The following SNX7 variants were observed in gnomAD, a reference collection of about 807,000 sequenced individuals.
SNX7 encodes the protein sorting nexin-7.
Under a neutral mutation model 48.4 loss-of-function variants are expected in SNX7, and 35 were observed. That is an observed-to-expected ratio of 0.72 (90% CI 0.55 to 0.96). The LOEUF (loss-of-function observed/expected upper bound fraction) is 0.96, where lower values mean the gene tolerates loss of function less well. SNX7 is among the 40% of genes least tolerant of loss of function. SNX7 has a pLI of 0.00. For missense variants in SNX7, 553 were observed against 548.9 expected (o/e 1.01, Z -0.07); for synonymous variants, 190 against 190.2 (o/e 1.00, Z 0.01).
intron 2 of SNX7, among the ~76,000 whole-genome samples, chr1:98,690,849 A>G (rs1422861113): frequency 2.0e-5 from 3 of 152,028 alleles, no homozygotes; most frequent in African/African-American, 7.2e-5. Context: ...AAATTTAAGT[A>G]TGATATTTGC....
chr1:98,741,381 T>G (rs1654060786), intron 8 of SNX7, among the ~76,000 whole-genome samples: 2 of 152,168 alleles, frequency 1.3e-5, no homozygotes, highest in African/African-American at 4.8e-5. Flanking sequence ...TTGTGTCATG[T>G]TATATTTAGA....
In SNX7 at chr1:98,700,169, G is replaced by T. The variant is rs201661990; in HGVS notation, c.1038+1264G>T. Among the ~76,000 whole-genome samples, 22 of 152,236 alleles carry T rather than the reference G, an allele frequency of 1.4e-4. No individual in the cohort carries two copies. The East Asian group carries it at 3.7e-3, about 25-fold the overall frequency. On this transcript the variant is annotated intron_variant, in intron 6 of 8. Transcript: ENST00000306121. ...TTGAATTAATTTTTAGATGCCTAGG[G>T]TATAATAAGTAGTACTTATATTGCA... is the stretch of plus-strand genomic sequence containing the variant.
intron 1 of SNX7, among the ~76,000 whole-genome samples, chr1:98,680,465 G>T (rs1457698455): frequency 6.6e-6 from 1 of 152,184 alleles, no homozygotes; most frequent in East Asian, 1.9e-4. Flanking sequence ...AATTTCTGCA[G>T]CTGGCTTGAA....
At position 98,672,871 on chromosome 1, in the gene SNX7, C is replaced by T. The variant is rs1029524114; in HGVS notation, c.180+10960C>T. ...CCCGGGAAGCGGAGCTTGCAGTGAG[C>T]CGAGATTGCGCCACTGCAGTCCGCA... is the stretch of plus-strand genomic sequence containing the variant. On this transcript the variant is annotated intron_variant, in intron 1 of 8. Coordinates refer to ENST00000306121, the MANE Select transcript of SNX7 (RefSeq NM_015976.5). Among the ~76,000 whole-genome samples the T allele has an allele frequency of 3.0e-5, 4 of 132,658 alleles. No homozygotes were observed. In the East Asian group the frequency reaches 7.3e-4, roughly 24 times the overall value. The allele number at this position is 132,658 out of a possible 152,430, so 87.0% of individuals were successfully genotyped here.
At chr1:98,737,656 T>C (rs1180968790) in intron 7 of SNX7, among the ~76,000 whole-genome samples, 1 of 152,180 alleles carries the variant, frequency 6.6e-6, no homozygotes, top group East Asian at 1.9e-4. Context: ...GTCCAGTGGC[T>C]CATGGTCTAG....
At chr1:98,707,851 T>A (rs1293896341) in intron 7 of SNX7, among the ~76,000 whole-genome samples, 1 of 152,206 alleles carries the variant, frequency 6.6e-6, no homozygotes, top group Non-Finnish European at 1.5e-5. Flanking sequence ...ACCAGATTAT[T>A]CAAGCTGGTC....
intron 8 of SNX7, among the ~76,000 whole-genome samples, chr1:98,744,601 G>C (rs1654229685): frequency 6.6e-6 from 1 of 151,880 alleles, no homozygotes; most frequent in African/African-American, 2.4e-5. Flanking sequence ...AGTGGAAACT[G>C]TGTAATGGAA....
At chr1:98,716,912 A>C (rs1652621101) in intron 7 of SNX7, among the ~76,000 whole-genome samples, 1 of 152,014 alleles carries the variant, frequency 6.6e-6, no homozygotes, top group Admixed American at 6.6e-5. Context: ...TGAAATACAT[A>C]GGGAGATGAG....
intron 1 of SNX7, among the ~76,000 whole-genome samples, chr1:98,664,650 C>T (rs890423564): frequency 6.6e-6 from 1 of 152,138 alleles, no homozygotes; most frequent in African/African-American, 2.4e-5. Flanking sequence ...TTAGTTCTTG[C>T]TATCACAATC....
At chr1:98,678,350 C>T (rs1170527883) in intron 1 of SNX7, among the ~76,000 whole-genome samples, 1 of 152,184 alleles carries the variant, frequency 6.6e-6, no homozygotes, top group Admixed American at 6.5e-5. Flanking sequence ...CCTAATGATC[C>T]AGACACCTCC....
intron 7 of SNX7, among the ~76,000 whole-genome samples, chr1:98,720,884 T>C (rs539601431): frequency 1.3e-5 from 2 of 152,198 alleles, no homozygotes; most frequent in African/African-American, 4.8e-5. Context: ...GTTTTAGCTT[T>C]GGTAGGGATT....
chr1:98,750,176 T>A (rs1430187330), intron 8 of SNX7, among the ~76,000 whole-genome samples: 2 of 151,926 alleles, frequency 1.3e-5, no homozygotes. Context: ...ACCACAGAAA[T>A]ATATAATTAT....
chr1:98,676,030 A>G (rs559278464), intron 1 of SNX7, among the ~76,000 whole-genome samples: 24 of 152,286 alleles, frequency 1.6e-4, no homozygotes, highest in African/African-American at 5.5e-4. Flanking sequence ...AGAAAATCAC[A>G]TAGAAAAATA....
At chr1:98,702,761 T>C (rs985539159) in intron 7 of SNX7, among the ~76,000 whole-genome samples, 1 of 152,140 alleles carries the variant, frequency 6.6e-6, no homozygotes, top group Non-Finnish European at 1.5e-5. Flanking sequence ...AAAGCAGGTA[T>C]AGAAGTGGGA....
intron 8 of SNX7, among the ~76,000 whole-genome samples, chr1:98,745,036 A>T (rs912605165): frequency 6.6e-6 from 1 of 152,048 alleles, no homozygotes; most frequent in Non-Finnish European, 1.5e-5. Context: ...GTAATTTCTG[A>T]TACACACCAT....
chr1:98,701,818 G>T lies in SNX7; in HGVS notation c.1040G>T (p.Gly347Val). The change falls in exon 7 of 9, where the codon GGT becomes GTT. Residue 347 changes from glycine (G) to valine (V), a missense_variant and splice_region_variant. Physicochemically the swap from Gly to Val is moderately radical, Grantham distance 109. Transcript: ENST00000306121. The part of the protein sequence containing the change: ...EYVLYSEMLM[G>V]VMKRRDQIQA... ...TTATCTGTGTGTTTTAATGTAAAGG[G>T]TGTTATGAAAAGAAGAGACCAAATA... 6.2e-7 allele frequency: 1 copy of T among 1,604,874 alleles called. No individual in the cohort carries two copies. The highest frequency in any genetic ancestry group is 1.1e-5 in the South Asian group (1 of 89,500).
At chr1:98,670,427 C>T (rs1411742434) in intron 1 of SNX7, among the ~76,000 whole-genome samples, 1 of 152,176 alleles carries the variant, frequency 6.6e-6, no homozygotes, top group Non-Finnish European at 1.5e-5. Flanking sequence ...GCTGGAAATG[C>T]AGCTGCAGAA....
intron 6 of SNX7, among the ~76,000 whole-genome samples, chr1:98,701,350 A>C (rs1651736702): frequency 6.6e-6 from 1 of 152,088 alleles, no homozygotes; most frequent in Non-Finnish European, 1.5e-5. Flanking sequence ...TTCCTACCAT[A>C]ATTTCCTGTT....
chr1:98,714,135 T>C (rs1652463367), intron 7 of SNX7, among the ~76,000 whole-genome samples: 1 of 152,200 alleles, frequency 6.6e-6, no homozygotes, highest in Admixed American at 6.5e-5. Context: ...CTCTGGTGAA[T>C]CTTAGTCAGT....
Sources: allele counts gnomAD v4.1 joint callset (sites outside exome capture counted in the v4.1 genomes callset), GRCh38; gene constraint gnomAD v4.1.1; transcripts MANE v1.5; gene names NCBI Gene and HGNC (gene_info 2026-07-23, HGNC 2026-07-21).